ITFG1: variants seen among roughly 807,000 people sequenced by gnomAD.
ITFG1 encodes the protein integrin alpha FG-GAP repeat containing 1.
In ITFG1, 34 loss-of-function variants were observed where a neutral mutation model predicts 81.8. The observed-to-expected ratio is 0.42, with a 90% CI of 0.32 to 0.55. ITFG1 has a LOEUF of 0.55. Among genes scored for constraint, ITFG1 ranks in the 20% least tolerant of loss-of-function variants. The probability of loss-of-function intolerance (pLI) is 0.17; values close to 1 mark genes in which losing one functional copy is unlikely to be tolerated. For missense variants in ITFG1, 672 were observed against 755.4 expected, an observed-to-expected ratio of 0.89 and a Z score of 1.29; for synonymous variants, 285 against 270.6, an observed-to-expected ratio of 1.05 and a Z score of -0.52.
intron 14 of ITFG1, among the ~76,000 whole-genome samples, chr16:47,164,761 T>C (rs186672940): frequency 8.7e-4 from 133 of 152,370 alleles, no homozygotes; most frequent in African/African-American, 2.9e-3. Context: ...AGGGAGCTGC[T>C]AGTTCAGACA....
At chr16:47,259,078 C>T (rs1966174983) in intron 11 of ITFG1, among the ~76,000 whole-genome samples, 1 of 152,184 alleles carries the variant, frequency 6.6e-6, no homozygotes, top group African/African-American at 2.4e-5. Context: ...AGTACCTTTT[C>T]ATCTGCCCTT....
At chr16:47,263,557 G>A in intron 10 of ITFG1, 1 of 247,610 alleles carries the variant, frequency 4.0e-6, no homozygotes, top group South Asian at 4.7e-5. Flanking sequence ...TGGTAATATG[G>A]ATACAGTGCT....
At chr16:47,457,587 C>G (rs1969469908) in intron 2 of ITFG1, among the ~76,000 whole-genome samples, 1 of 151,868 alleles carries the variant, frequency 6.6e-6, no homozygotes, top group South Asian at 2.1e-4. Flanking sequence ...GTGGTTGCAT[C>G]TGAGAGAGAA....
intron 14 of ITFG1, among the ~76,000 whole-genome samples, chr16:47,186,647 C>G (rs1413389502): frequency 1.3e-5 from 2 of 152,148 alleles, no homozygotes; most frequent in Non-Finnish European, 2.9e-5. Flanking sequence ...AACCCACAGC[C>G]AATATCATAC....
intron 6 of ITFG1, among the ~76,000 whole-genome samples, chr16:47,394,573 A>C (rs570575388): frequency 6.6e-6 from 1 of 152,286 alleles, no homozygotes; most frequent in South Asian, 2.1e-4. Context: ...TAGAGCAGAA[A>C]GGCCAAGTTT....
chr16:47,438,275 A>C (rs1316926281), intron 5 of ITFG1, among the ~76,000 whole-genome samples: 1 of 152,238 alleles, frequency 6.6e-6, no homozygotes, highest in Non-Finnish European at 1.5e-5. Flanking sequence ...GCACAGACAA[A>C]CAAAAGACAG....
At chr16:47,239,861 T>G (rs560599492) in intron 12 of ITFG1, among the ~76,000 whole-genome samples, 1 of 152,328 alleles carries the variant, frequency 6.6e-6, no homozygotes, top group African/African-American at 2.4e-5. Context: ...TAAACCATTA[T>G]CTTGCTGACC....
intron 5 of ITFG1, among the ~76,000 whole-genome samples, chr16:47,431,483 C>A (rs1969095173): frequency 6.6e-6 from 1 of 152,158 alleles, no homozygotes; most frequent in Admixed American, 6.5e-5. Flanking sequence ...TGGCCTCTGA[C>A]CCTGTCCATG....
At chr16:47,436,795 G>A (rs1165811409) in intron 5 of ITFG1, among the ~76,000 whole-genome samples, 1 of 152,162 alleles carries the variant, frequency 6.6e-6, no homozygotes, top group Non-Finnish European at 1.5e-5. Context: ...AAAGTAAGCA[G>A]CTGGAAAGCC....
At chr16:47,241,401 T>C (rs1965931933) in intron 12 of ITFG1, among the ~76,000 whole-genome samples, 1 of 152,198 alleles carries the variant, frequency 6.6e-6, no homozygotes, top group South Asian at 2.1e-4. Context: ...CATCCAAATG[T>C]CCATCAAATG....
intron 8 of ITFG1, among the ~76,000 whole-genome samples, chr16:47,351,313 C>G (rs1336995408): frequency 6.6e-6 from 1 of 152,182 alleles, no homozygotes; most frequent in African/African-American, 2.4e-5. Flanking sequence ...TAGAAAACCC[C>G]ATCGTCTCAG....
At chr16:47,447,498 G>T (rs1969338863) in intron 5 of ITFG1, among the ~76,000 whole-genome samples, 1 of 152,020 alleles carries the variant, frequency 6.6e-6, no homozygotes, top group Non-Finnish European at 1.5e-5. Flanking sequence ...AAGTCACCAA[G>T]AAATCTGAGG....
At chr16:47,284,905 A>T (rs568229982) in intron 10 of ITFG1, among the ~76,000 whole-genome samples, 1 of 152,340 alleles carries the variant, frequency 6.6e-6, no homozygotes, top group Non-Finnish European at 1.5e-5. Flanking sequence ...TGTAATATTT[A>T]TTCTGAAGGA....
At chr16:47,197,214 A>G (rs1384419540) in intron 14 of ITFG1, among the ~76,000 whole-genome samples, 1 of 152,186 alleles carries the variant, frequency 6.6e-6, no homozygotes, top group Non-Finnish European at 1.5e-5. Context: ...TCTAGGAGAG[A>G]TTAAGAGTCT....
rs1010139899 is a variant in ITFG1, at chr16:47,423,282, G to A, written c.655+5522C>T. 5.7e-5 allele frequency among the ~76,000 whole-genome samples: 6 copies of A among 104,370 alleles called. 1 individual carries two copies. Among genetic ancestry groups the A allele is most frequent in the African/African-American group, 2.2e-4 (6 of 26,854 alleles). 68.5% of individuals were successfully genotyped at this position (104,370 alleles called of 152,430 possible). On this transcript the variant is annotated intron_variant, in intron 6 of 17. Transcript: ENST00000320640. ...TTTTTTTTTTTTTTGCTTTCCATTT[G>A]CTAGGTAGATTTTCCTCCATCCCTT...
chr16:47,207,228 G>A (rs1053158215), intron 14 of ITFG1, among the ~76,000 whole-genome samples: 14 of 152,024 alleles, frequency 9.2e-5, no homozygotes, highest in East Asian at 1.9e-4. Context: ...GGCTACAGGC[G>A]CCTGCCACCA....
At chr16:47,223,168 G>T (rs956245761) in intron 13 of ITFG1, among the ~76,000 whole-genome samples, 5 of 151,488 alleles carry the variant, frequency 3.3e-5, no homozygotes, top group Non-Finnish European at 7.4e-5. Flanking sequence ...TCAGGACATA[G>T]GCATGGGCAA....
intron 10 of ITFG1, among the ~76,000 whole-genome samples, chr16:47,286,077 T>G (rs17811404): frequency 2.6e-5 from 4 of 152,204 alleles, no homozygotes; most frequent in Non-Finnish European, 5.9e-5. Context: ...TTGGGGCAAG[T>G]TGGGTTCCCT....
chr16:47,390,878 A>G (rs1314596907), intron 6 of ITFG1, among the ~76,000 whole-genome samples: 1 of 152,236 alleles, frequency 6.6e-6, no homozygotes, highest in Non-Finnish European at 1.5e-5. Flanking sequence ...ATAACTGCAT[A>G]TAATACATTA....
Sources: allele counts gnomAD v4.1 joint callset (sites outside exome capture counted in the v4.1 genomes callset), GRCh38; gene constraint gnomAD v4.1.1; transcripts MANE v1.5; gene names NCBI Gene and HGNC (gene_info 2026-07-23, HGNC 2026-07-21).